MAD1L1: variants seen among roughly 807,000 people sequenced by gnomAD.
The protein encoded by MAD1L1 is mitotic spindle assembly checkpoint protein MAD1.
Under a neutral mutation model 96.9 loss-of-function variants are expected in MAD1L1, and 95 were observed. The observed-to-expected ratio is 0.98, with a 90% CI of 0.83 to 1.16. MAD1L1 has a LOEUF of 1.16. MAD1L1 is among the 50% of genes most tolerant of loss of function. The pLI is 0.00. For missense variants in MAD1L1, 1,007 were observed against 954.4 expected (o/e 1.06, Z -0.73); for synonymous variants, 473 against 396.6 (o/e 1.19, Z -2.29).
At chr7:2,078,867 C>T (rs1278592666) in intron 11 of MAD1L1, among the ~76,000 whole-genome samples, 1 of 152,208 alleles carries the variant, frequency 6.6e-6, no homozygotes, top group Non-Finnish European at 1.5e-5. Context: ...GACAAAGGGG[C>T]TCAGAAGCCA....
chr7:2,163,965 G>A (rs1225105176), intron 10 of MAD1L1, among the ~76,000 whole-genome samples: 1 of 152,074 alleles, frequency 6.6e-6, no homozygotes, highest in African/African-American at 2.4e-5. Flanking sequence ...CTTAGTGTCT[G>A]CAGTCAGTCA....
intron 18 of MAD1L1, among the ~76,000 whole-genome samples, chr7:1,854,960 T>G (rs1027705032): frequency 2.0e-5 from 3 of 152,168 alleles, no homozygotes; most frequent in African/African-American, 7.2e-5. Flanking sequence ...ATGCTCCACC[T>G]CTCGTCCACT....
At chr7:1,973,255 C>T (rs1437979575) in intron 15 of MAD1L1, among the ~76,000 whole-genome samples, 1 of 152,044 alleles carries the variant, frequency 6.6e-6, no homozygotes, top group East Asian at 1.9e-4. Context: ...CTGTTCATCC[C>T]AGACACTTCT....
intron 10 of MAD1L1, chr7:2,175,402 C>G (rs1261180685): frequency 6.7e-6 from 1 of 149,888 alleles, no homozygotes; most frequent in Non-Finnish European, 1.5e-5. Context: ...CTCAAGTCAG[C>G]TAAGTCCATC....
intron 10 of MAD1L1, among the ~76,000 whole-genome samples, chr7:2,172,225 C>T (rs1790740146): frequency 6.6e-6 from 1 of 152,186 alleles, no homozygotes; most frequent in African/African-American, 2.4e-5. Flanking sequence ...CACCACACAG[C>T]TTTCATTCTT....
rs121908981 is a variant in MAD1L1 at position 1,898,251 on chromosome 7, G to C, written c.1947C>G (p.Tyr649Ter). 3.8e-5 allele frequency: 61 copies of C among 1,613,988 alleles called. No individual in the cohort carries two copies. Among genetic ancestry groups the C allele is most frequent in the Non-Finnish European group, 1.4e-5 (17 of 1,179,994 alleles). Reference sequence around the variant, plus strand: ...GCTCGGCGTACAGCGAGGTCAGCCGGTACTGGTTCTCCGTGGTGATGTCGA... The same window carrying C: ...GCTCGGCGTACAGCGAGGTCAGCCGCTACTGGTTCTCCGTGGTGATGTCGA... ...YQIDITTENQ[Y>*]RLTSLYAEHP... The change falls in exon 18 of 19, where the codon TAC (tyrosine) becomes TAG (stop). Residue 649 changes from tyrosine to a stop codon, truncating the protein, a stop_gained. Transcript: ENST00000265854. LOFTEE classifies it high-confidence loss of function.
chr7:2,090,882 A>AC (rs1786177001), intron 11 of MAD1L1, among the ~76,000 whole-genome samples: 1 of 152,170 alleles, frequency 6.6e-6, no homozygotes, highest in Admixed American at 6.5e-5. Flanking sequence ...AGCCTGGCCT[A>AC]CCCTAGGGGG....
rs376398550 is a variant in MAD1L1 at position 1,927,665 on chromosome 7, G to C, written c.1807+9022C>G. ...AAAAAGAAAAGTAGCTTGAACTCAA[G>C]CTCACACCATGGGCAAAAACTAACT... On this transcript the variant is annotated intron_variant, in intron 17 of 18. Transcript: ENST00000265854. Among the ~76,000 whole-genome samples, 65 of 152,284 alleles carry C rather than the reference G, an allele frequency of 4.3e-4. 1 individual carries two copies. The South Asian group carries it at 0.013, about 31-fold the overall frequency.
At chr7:1,929,414 T>C (rs1007990047) in intron 17 of MAD1L1, among the ~76,000 whole-genome samples, 1 of 152,164 alleles carries the variant, frequency 6.6e-6, no homozygotes, top group African/African-American at 2.4e-5. Context: ...GCAGGGGGGC[T>C]GAGTGAGGAG....
chr7:1,818,924 CACGAAGGCAG>C (rs1321550376), intron 18 of MAD1L1, among the ~76,000 whole-genome samples: 1 of 152,096 alleles, frequency 6.6e-6, no homozygotes, highest in African/African-American at 2.4e-5. Context: ...TCAAACCCCA[CACGAAGGCAG>C]ACCCAGCGTT....
chr7:2,098,031 G>A (rs764868033), intron 11 of MAD1L1, among the ~76,000 whole-genome samples: 10 of 152,344 alleles, frequency 6.6e-5, no homozygotes, highest in South Asian at 2.1e-4. Context: ...CACCTCCAGC[G>A]GGAGGAAGGC....
At chr7:2,059,687 G>A (rs1784553700) in intron 12 of MAD1L1, among the ~76,000 whole-genome samples, 2 of 150,012 alleles carry the variant, frequency 1.3e-5, no homozygotes, top group African/African-American at 4.9e-5. Flanking sequence ...GGGGCTGGCA[G>A]GGAAGCGTAG....
chr7:2,143,138 C>A (rs1395883741), intron 11 of MAD1L1, among the ~76,000 whole-genome samples: 1 of 152,060 alleles, frequency 6.6e-6, no homozygotes, highest in East Asian at 1.9e-4. Flanking sequence ...CGTCCACAGG[C>A]TCCATAGAGG....
chr7:2,043,644 G>A (rs556804650), intron 12 of MAD1L1, among the ~76,000 whole-genome samples: 4 of 152,218 alleles, frequency 2.6e-5, no homozygotes, highest in African/African-American at 9.6e-5. Flanking sequence ...GAGGGCCTGG[G>A]GGGGCTGGGG....
chr7:1,948,308 C>T (rs1305693597), intron 16 of MAD1L1, among the ~76,000 whole-genome samples: 1 of 152,270 alleles, frequency 6.6e-6, no homozygotes, highest in African/African-American at 2.4e-5. Context: ...CAGCAAACGC[C>T]CCCCATGAAC....
At chr7:1,987,749 G>A (rs1006508059) in intron 14 of MAD1L1, among the ~76,000 whole-genome samples, 2 of 152,234 alleles carry the variant, frequency 1.3e-5, no homozygotes, top group South Asian at 2.1e-4. Context: ...GGAGGGTGCA[G>A]AGGGCTCCTT....
chr7:1,971,530 T>C (rs897068399), intron 15 of MAD1L1, among the ~76,000 whole-genome samples: 3 of 152,222 alleles, frequency 2.0e-5, no homozygotes, highest in African/African-American at 7.2e-5. Context: ...GCAAATGATG[T>C]GTGTTTCACT....
intron 18 of MAD1L1, chr7:1,838,917 G>A (rs1452543594): frequency 6.5e-6 from 3 of 462,780 alleles, no homozygotes; most frequent in Non-Finnish European, 1.3e-5. Flanking sequence ...GGAGGAGGCT[G>A]GGGACAAGGA....
chr7:2,125,950 G>A lies in MAD1L1; in HGVS notation c.1073+23202C>T, dbSNP rs559481522. 7.8e-4 allele frequency among the ~76,000 whole-genome samples: 119 copies of A among 152,386 alleles called. 1 individual carries two copies. Among genetic ancestry groups the A allele is most frequent in the Admixed American group, 4.0e-3 (61 of 15,312 alleles). On this transcript the variant is annotated intron_variant, in intron 11 of 18. Coordinates refer to ENST00000265854, the MANE Select transcript of MAD1L1 (RefSeq NM_001013836.2). ...CCAGTTGGCCCCTGGGCCTCCTCACGTTTACAGCGCCACAGGTGAGAAAGT... is the reference window on the plus strand; with the variant it reads ...CCAGTTGGCCCCTGGGCCTCCTCACATTTACAGCGCCACAGGTGAGAAAGT...
Sources: allele counts gnomAD v4.1 joint callset (sites outside exome capture counted in the v4.1 genomes callset), GRCh38; gene constraint gnomAD v4.1.1; transcripts MANE v1.5; gene names NCBI Gene and HGNC (gene_info 2026-07-23, HGNC 2026-07-21).